The following TRAPPC10 variants were observed in gnomAD, a reference collection of about 807,000 sequenced individuals.
The protein encoded by TRAPPC10 is TRAPP 130 kDa subunit.
TRAPPC10 carries 23 observed loss-of-function variants against 125.5 expected under a neutral mutation model. The observed-to-expected ratio is 0.18, with a 90% CI of 0.13 to 0.26. The LOEUF is 0.26. TRAPPC10 is among the 10% of genes least tolerant of loss of function. The pLI is 1.00. For missense variants in TRAPPC10, 1,123 were observed against 1,308.4 expected, an observed-to-expected ratio of 0.86 and a Z score of 2.19; for synonymous variants, 509 against 518.0, an observed-to-expected ratio of 0.98 and a Z score of 0.24.
intron 6 of TRAPPC10, among the ~76,000 whole-genome samples, chr21:44,061,725 A>T (rs1243133259): frequency 2.0e-5 from 3 of 152,248 alleles, no homozygotes; most frequent in Non-Finnish European, 4.4e-5. Context: ...CAGTCTTTTC[A>T]TGGAGAACTC....
intron 13 of TRAPPC10, among the ~76,000 whole-genome samples, chr21:44,081,365 C>T (rs1304478546): frequency 6.6e-6 from 1 of 151,778 alleles, no homozygotes; most frequent in Non-Finnish European, 1.5e-5. Flanking sequence ...TGCCATATTG[C>T]CCAGGCTGGT....
chr21:44,089,730 C>CT, intron 17 of TRAPPC10, 103 bp from the exon 18 acceptor site: 1 of 802,500 alleles, frequency 1.2e-6, no homozygotes. Context: ...AATAAAATGT[C>CT]TAGGGCGTGG....
chr21:44,085,359 T>C (rs2038052791), intron 15 of TRAPPC10, among the ~76,000 whole-genome samples: 1 of 152,142 alleles, frequency 6.6e-6, no homozygotes, highest in Non-Finnish European at 1.5e-5. Flanking sequence ...ACCACAGGGT[T>C]TCATAAATAT....
chr21:44,027,553 G>C (rs975167913), intron 1 of TRAPPC10, among the ~76,000 whole-genome samples: 1 of 152,304 alleles, frequency 6.6e-6, no homozygotes, highest in East Asian at 1.9e-4. Flanking sequence ...AAGCTACCTG[G>C]GTTCGAATCC....
At chr21:44,055,920 A>G in intron 5 of TRAPPC10, 27 bp downstream of exon 5, 1 of 1,519,854 alleles carries the variant, frequency 6.6e-7, no homozygotes, top group South Asian at 1.3e-5. Flanking sequence ...AGAACTAGAC[A>G]GTTCCTTCTC....
At chr21:44,025,227 G>A (rs1410524753) in intron 1 of TRAPPC10, among the ~76,000 whole-genome samples, 13 of 152,196 alleles carry the variant, frequency 8.5e-5, no homozygotes, top group Non-Finnish European at 1.9e-4. Context: ...CCTCCTGAGT[G>A]CTTGCACCAT....
chr21:44,034,440 G>A (rs940803568), intron 2 of TRAPPC10, among the ~76,000 whole-genome samples: 4 of 150,972 alleles, frequency 2.6e-5, no homozygotes, highest in Non-Finnish European at 5.9e-5. Context: ...AGGGAGAAGG[G>A]CCATTCTAAA....
intron 2 of TRAPPC10, among the ~76,000 whole-genome samples, chr21:44,036,387 C>T (rs558085383): frequency 6.6e-6 from 1 of 152,218 alleles, no homozygotes; most frequent in Admixed American, 6.5e-5. Flanking sequence ...ACCCTGAGGG[C>T]CTTGCGTGAG....
Position 44,080,077 on chromosome 21 carries a change from A to C in TRAPPC10, c.1673A>C (p.His558Pro), listed in dbSNP as rs1164073925. 6.2e-7 allele frequency: 1 copy of C among 1,614,098 alleles called. No homozygotes were observed. The highest frequency in any genetic ancestry group is 1.3e-5 in the African/African-American group (1 of 74,934). ...CACCTCACTGAAGAGGAGCGCAAGC[A>C]CTTCTGCCAGGAGATACTTGACTTT... ...DHHLTEEERK[H>P]FCQEILDFAS... Residue 558 changes from histidine to proline, a missense_variant, in exon 13 of 23, where the codon CAC (histidine) becomes CCC (proline). His to Pro is a moderately conservative substitution (Grantham distance 77). Around this residue, in one of 4 missense-constraint regions of TRAPPC10, gnomAD observed 840 missense variants for 902.0 expected, o/e 0.93. Coordinates refer to ENST00000291574, the MANE Select transcript of TRAPPC10 (RefSeq NM_003274.5).
chr21:44,044,164 T>G (rs1459894071), intron 3 of TRAPPC10, among the ~76,000 whole-genome samples: 1 of 152,238 alleles, frequency 6.6e-6, no homozygotes, highest in African/African-American at 2.4e-5. Flanking sequence ...TGAGTCTTCT[T>G]GAATCAGGGA....
chr21:44,094,630 C>T (rs1263316288), intron 20 of TRAPPC10, among the ~76,000 whole-genome samples: 1 of 152,164 alleles, frequency 6.6e-6, no homozygotes, highest in African/African-American at 2.4e-5. Flanking sequence ...AAGCTGAAAA[C>T]ATATGAAAAC....
chr21:44,046,834 T>C, intron 3 of TRAPPC10: 1 of 650,934 alleles, frequency 1.5e-6, no homozygotes, highest in Admixed American at 2.2e-5. Flanking sequence ...ATGCATTTCC[T>C]GCCAGTTCAA....
intron 1 of TRAPPC10, among the ~76,000 whole-genome samples, chr21:44,023,253 C>T (rs956830699): frequency 1.3e-5 from 2 of 151,624 alleles, no homozygotes; most frequent in African/African-American, 2.4e-5. Context: ...AGGATGGTCT[C>T]GATCTCCTGA....
At position 44,081,162 on chromosome 21, in the gene TRAPPC10, T is replaced by C. The variant is rs912185399; in HGVS notation, c.1723+1035T>C. On this transcript the variant is annotated intron_variant, in intron 13 of 22. Coordinates refer to ENST00000291574, the MANE Select transcript of TRAPPC10 (RefSeq NM_003274.5). ...TCCTGAGTGGCAGGGACCACAGGTG[T>C]GGGCCACCACACCCAGCTATTTTTT... Among the ~76,000 whole-genome samples the C allele has an allele frequency of 4.0e-5, 6 of 151,398 alleles. No individual in the cohort carries two copies. The East Asian group carries it at 1.2e-3, about 29-fold the overall frequency.
At chr21:44,079,824 T>C in intron 12 of TRAPPC10, 120 bp downstream of exon 12, 6 of 1,134,176 alleles carry the variant, frequency 5.3e-6, no homozygotes, top group Non-Finnish European at 6.3e-6. Context: ...AACTTATACA[T>C]ATGTATTGTA....
chr21:44,071,518 G>A (rs1192309581), intron 7 of TRAPPC10, among the ~76,000 whole-genome samples: 1 of 152,216 alleles, frequency 6.6e-6, no homozygotes, highest in Non-Finnish European at 1.5e-5. Flanking sequence ...CTAAAGTATA[G>A]AGAAGAAGCA....
At chr21:44,074,950 A>G in intron 8 of TRAPPC10, 89 bp from the exon 9 acceptor site, 1 of 977,100 alleles carries the variant, frequency 1.0e-6, no homozygotes, top group Non-Finnish European at 1.5e-6. Flanking sequence ...TCTAGAATTT[A>G]GCTGGATTTG....
intron 15 of TRAPPC10, among the ~76,000 whole-genome samples, chr21:44,085,092 G>A (rs2038037597): frequency 6.6e-6 from 1 of 152,126 alleles, no homozygotes; most frequent in Non-Finnish European, 1.5e-5. Context: ...TCGACCTTCA[G>A]CCCCTCTTTC....
intron 20 of TRAPPC10, among the ~76,000 whole-genome samples, 187 bp downstream of exon 20, chr21:44,094,420 G>C (rs2038789834): frequency 6.6e-6 from 1 of 152,176 alleles, no homozygotes; most frequent in Non-Finnish European, 1.5e-5. Flanking sequence ...TCCTTCTCAA[G>C]TGACACATCT....
Sources: allele counts gnomAD v4.1 joint callset (sites outside exome capture counted in the v4.1 genomes callset), GRCh38; gene constraint gnomAD v4.1.1; regional missense constraint gnomAD v4.1.1; transcripts MANE v1.5; gene names NCBI Gene and HGNC (gene_info 2026-07-23, HGNC 2026-07-21).